SYNPR: variants seen among roughly 807,000 people sequenced by gnomAD.
SYNPR encodes the protein synaptoporin.
A neutral mutation model predicts 32.9 loss-of-function variants in SYNPR; 23 were observed. The observed-to-expected ratio is 0.70, with a 90% CI of 0.50 to 0.99. SYNPR has a LOEUF of 0.99. SYNPR is among the 50% of genes least tolerant of loss of function. The probability of loss-of-function intolerance (pLI) is 0.00; values close to 1 mark genes in which losing one functional copy is unlikely to be tolerated. For synonymous variants in SYNPR, 146 were observed against 135.9 expected, an observed-to-expected ratio of 1.07 and a Z score of -0.52; for missense variants, 318 against 349.3, an observed-to-expected ratio of 0.91 and a Z score of 0.71.
intron 4 of SYNPR, among the ~76,000 whole-genome samples, chr3:63,565,640 C>A (rs1449660478): frequency 6.6e-6 from 1 of 152,120 alleles, no homozygotes; most frequent in Non-Finnish European, 1.5e-5. Context: ...AATTCAAATC[C>A]TAGCATTCTG....
intron 3 of SYNPR, among the ~76,000 whole-genome samples, chr3:63,512,405 A>G (rs1455959908): frequency 6.6e-6 from 1 of 152,152 alleles, no homozygotes; most frequent in African/African-American, 2.4e-5. Context: ...TAAAATCTAT[A>G]AATATGTTAC....
chr3:63,476,699 G>A (rs868115244), intron 2 of SYNPR, among the ~76,000 whole-genome samples: 3 of 152,012 alleles, frequency 2.0e-5, no homozygotes, highest in South Asian at 2.1e-4. Context: ...CATTTTTTGC[G>A]GGGCTTCCCC....
At chr3:63,340,897 C>T (rs1345185313) in intron 2 of SYNPR, among the ~76,000 whole-genome samples, 2 of 152,164 alleles carry the variant, frequency 1.3e-5, no homozygotes, top group East Asian at 1.9e-4. Flanking sequence ...CTGAAGTTCA[C>T]AGTTTATATT....
intron 2 of SYNPR, among the ~76,000 whole-genome samples, chr3:63,430,536 C>T (rs992156319): frequency 6.6e-6 from 1 of 152,152 alleles, no homozygotes. Flanking sequence ...AAAAGCACCT[C>T]CTAGACCTTT....
chr3:63,232,936 T>C (rs1017823303), intron 1 of SYNPR, among the ~76,000 whole-genome samples: 6 of 152,230 alleles, frequency 3.9e-5, no homozygotes, highest in Admixed American at 6.5e-5. Flanking sequence ...CTGTGATTCT[T>C]ATAAAAGAAT....
intron 2 of SYNPR, among the ~76,000 whole-genome samples, chr3:63,447,306 G>A (rs1700295821): frequency 1.3e-5 from 2 of 152,062 alleles, no homozygotes. Context: ...TCTTCAGAGG[G>A]GTGACTAAAT....
upstream of SYNPR, among the ~76,000 whole-genome samples, chr3:63,274,126 A>C (rs961994852): frequency 6.6e-6 from 1 of 152,170 alleles, no homozygotes; most frequent in Non-Finnish European, 1.5e-5. Context: ...ACTCATTTCC[A>C]TTATTTTAGA....
At chr3:63,311,645 C>T (rs918593457) in intron 2 of SYNPR, among the ~76,000 whole-genome samples, 5 of 151,956 alleles carry the variant, frequency 3.3e-5, no homozygotes, top group South Asian at 2.1e-4. Context: ...GGTGCCAAAA[C>T]GGTTGGGGAC....
At chr3:63,486,571 C>A (rs889247547) in intron 3 of SYNPR, among the ~76,000 whole-genome samples, 1 of 152,188 alleles carries the variant, frequency 6.6e-6, no homozygotes, top group African/African-American at 2.4e-5. Context: ...ATCTCAGGGG[C>A]TGCCTCTGAG....
intron 4 of SYNPR, among the ~76,000 whole-genome samples, chr3:63,589,318 C>A (rs941898340): frequency 6.6e-6 from 1 of 152,080 alleles, no homozygotes; most frequent in East Asian, 1.9e-4. Flanking sequence ...AAGCTATTAT[C>A]ACTATATGCA....
chr3:63,324,229 G>A lies in SYNPR; in HGVS notation c.84+45487G>A, dbSNP rs547296634. Among the ~76,000 whole-genome samples the A allele has an allele frequency of 5.3e-5, 8 of 152,204 alleles. No individual in the cohort carries two copies. The East Asian group carries it at 7.7e-4, about 15-fold the overall frequency. ...TCATTTTAAGATGAGTGAACTGAAA[G>A]AGTGGCCACCTTGATGAAAAGATAT... On this transcript the variant is annotated intron_variant, in intron 2 of 5. Coordinates refer to ENST00000478300, the MANE Select transcript of SYNPR (RefSeq NM_001130003.2).
At chr3:63,335,346 C>G (rs1253772262) in intron 2 of SYNPR, among the ~76,000 whole-genome samples, 5 of 127,698 alleles carry the variant, frequency 3.9e-5, no homozygotes, top group Non-Finnish European at 8.5e-5. Context: ...GAGCGAGACT[C>G]CGTCTCAAAA....
At chr3:63,372,866 C>A (rs2087838444) in intron 2 of SYNPR, among the ~76,000 whole-genome samples, 1 of 152,178 alleles carries the variant, frequency 6.6e-6, no homozygotes, top group Admixed American at 6.5e-5. Context: ...AAGAGTACAG[C>A]TGCATTCATG....
At chr3:63,451,536 T>C (rs1018257029) in intron 2 of SYNPR, among the ~76,000 whole-genome samples, 4 of 152,200 alleles carry the variant, frequency 2.6e-5, no homozygotes, top group African/African-American at 4.8e-5. Context: ...CTTTCCACTT[T>C]CTTAAGACCC....
rs1306417269 is a variant in SYNPR at position 63,408,216 on chromosome 3, GGAAGGAAGGAAGGAAA to G, written c.85-72612_85-72597del. ...AAAGAGGAAGGAAGGAAGGAAGGAA[GGAAGGAAGGAAGGAAA>G]GAAAGAAAGAAAGAAAGAAAGAAAG... On this transcript the variant is annotated intron_variant, in intron 2 of 5. Coordinates refer to ENST00000478300, the MANE Select transcript of SYNPR (RefSeq NM_001130003.2). Among the ~76,000 whole-genome samples, 22 of 81,192 alleles carry G rather than the reference GGAAGGAAGGAAGGAAA, an allele frequency of 2.7e-4. 1 individual carries two copies. Among genetic ancestry groups the G allele is most frequent in the African/African-American group, 8.4e-4 (15 of 17,934 alleles). The allele number at this position is 81,192 out of a possible 152,430, so 53.3% of individuals were successfully genotyped here. A position where few individuals can be genotyped will look rare whatever the true frequency, so the allele number is the denominator to read the frequency against.
intron 3 of SYNPR, among the ~76,000 whole-genome samples, chr3:63,555,037 T>A (rs565885702): frequency 1.3e-5 from 2 of 152,096 alleles, no homozygotes; most frequent in African/African-American, 4.8e-5. Flanking sequence ...TGTATAGAAA[T>A]GCTACTGATT....
At chr3:63,337,695 C>T (rs1285649321) in intron 2 of SYNPR, among the ~76,000 whole-genome samples, 1 of 152,134 alleles carries the variant, frequency 6.6e-6, no homozygotes, top group Non-Finnish European at 1.5e-5. Flanking sequence ...AAACAAATAT[C>T]AATTAAGCCA....
intron 3 of SYNPR, among the ~76,000 whole-genome samples, chr3:63,493,852 C>T (rs1701305045): frequency 6.8e-6 from 1 of 147,428 alleles, no homozygotes; most frequent in East Asian, 2.0e-4. Flanking sequence ...GATTCCAAGA[C>T]CCTACCCCAG....
At chr3:63,498,280 C>A (rs1701409846) in intron 3 of SYNPR, among the ~76,000 whole-genome samples, 1 of 152,100 alleles carries the variant, frequency 6.6e-6, no homozygotes, top group South Asian at 2.1e-4. Flanking sequence ...GGCAAAAAGA[C>A]TCGTTCATTC....
Sources: gnomAD v4.1 joint callset for allele counts (sites outside exome capture counted in the v4.1 genomes callset) on GRCh38, gnomAD v4.1.1 for gene constraint, MANE v1.5 for transcripts, NCBI Gene and HGNC (gene_info 2026-07-23, HGNC 2026-07-21) for gene names.